The following EP400 variants were observed in gnomAD, a reference collection of about 807,000 sequenced individuals.
The protein encoded by EP400 is E1A binding protein p400.
Under a neutral mutation model 354.1 loss-of-function variants are expected in EP400, and 105 were observed. That is an observed-to-expected ratio of 0.30 (90% CI 0.25 to 0.35). The LOEUF (loss-of-function observed/expected upper bound fraction) is 0.35, where lower values mean the gene tolerates loss of function less well. Ranked by LOEUF, EP400 falls within the 10% of genes least tolerant of loss-of-function variation. The probability of loss-of-function intolerance (pLI) is 1.00; values close to 1 mark genes in which losing one functional copy is unlikely to be tolerated. For missense variants in EP400, 3,280 were observed against 4,121.0 expected (o/e 0.80, Z 5.59); for synonymous variants, 1,646 against 1,716.9 (o/e 0.96, Z 1.02).
intron 2 of EP400, among the ~76,000 whole-genome samples, chr12:131,968,921 A>AG (rs1398243223): frequency 6.6e-6 from 1 of 152,122 alleles, no homozygotes; most frequent in African/African-American, 2.4e-5. Flanking sequence ...TGCTAAACTC[A>AG]TTTATTAGTT....
In EP400 at chr12:132,052,451, G is replaced by A. The variant is rs1425484017; in HGVS notation, c.7395-695G>A. Among the ~76,000 whole-genome samples the A allele has an allele frequency of 2.6e-5, 4 of 152,344 alleles. No individual in the cohort carries two copies. The highest frequency in any genetic ancestry group is 6.5e-5 in the Admixed American group (1 of 15,308). On this transcript the variant is annotated intron_variant, in intron 41 of 52. Transcript: ENST00000389561. This position sits in a 1 kb window ranked among gnomAD's most constrained non-coding sequence, Gnocchi z 4.4. ...GTGCTCCCTGAGTGTGCTGGCAGCCGCGCCCCAGCCCTTCACTTAACTGCC... is the reference window on the plus strand; with the variant it reads ...GTGCTCCCTGAGTGTGCTGGCAGCCACGCCCCAGCCCTTCACTTAACTGCC...
chr12:131,999,111 A>G (rs1284270714), intron 12 of EP400, among the ~76,000 whole-genome samples: 1 of 151,832 alleles, frequency 6.6e-6, no homozygotes, highest in Non-Finnish European at 1.5e-5. Flanking sequence ...AAGGCAGATT[A>G]TTAGAGTTTT....
chr12:131,969,872 A>T (rs987224528), intron 2 of EP400, among the ~76,000 whole-genome samples: 1 of 152,184 alleles, frequency 6.6e-6, no homozygotes, highest in Admixed American at 6.5e-5. Context: ...CAACATGGTG[A>T]AACAGTGTAC....
intron 12 of EP400, among the ~76,000 whole-genome samples, chr12:131,999,929 G>A (rs962638581): frequency 6.8e-6 from 1 of 147,104 alleles, no homozygotes; most frequent in East Asian, 2.0e-4. Context: ...TCCTAATACT[G>A]TGTATTTATG....
intron 30 of EP400, among the ~76,000 whole-genome samples, chr12:132,035,475 C>G (rs999929135): frequency 1.3e-5 from 2 of 152,234 alleles, no homozygotes; most frequent in Non-Finnish European, 2.9e-5. Context: ...GACATTTTCC[C>G]CACACGGTTG....
intron 15 of EP400, among the ~76,000 whole-genome samples, chr12:132,009,289 A>C (rs966207017): frequency 1.3e-5 from 2 of 152,056 alleles, no homozygotes; most frequent in Non-Finnish European, 2.9e-5. Flanking sequence ...TGAACAGATG[A>C]GTGAATCAGT....
intron 7 of EP400, 118 bp downstream of exon 7, chr12:131,988,008 T>TA (rs1555272990): frequency 1.4e-6 from 1 of 722,378 alleles, no homozygotes; most frequent in Non-Finnish European, 1.9e-6. Flanking sequence ...TTTTTTTTTT[T>TA]CCCCCAGACA....
intron 7 of EP400, among the ~76,000 whole-genome samples, 175 bp downstream of exon 7, chr12:131,988,065 T>A (rs1420640046): frequency 6.7e-6 from 1 of 150,182 alleles, no homozygotes. Context: ...TAATTTTGTG[T>A]TTTTTGCCAC....
rs1013652317 is a variant in EP400 at position 132,025,332 on chromosome 12, G to A, written c.4856-314G>A. ...TTGACTGCTGTGATCTGGGAGTGGG[G>A]ATGTCCGCCTCAGTACCTCGAACAG... On this transcript the variant is annotated intron_variant, in intron 24 of 52. Transcript: ENST00000389561. The surrounding 1 kb of genome is among the most constrained non-coding windows in gnomAD (Gnocchi z 4.1). 2.0e-5 allele frequency among the ~76,000 whole-genome samples: 3 copies of A among 152,144 alleles called. No homozygotes were observed. The highest frequency in any genetic ancestry group is 7.2e-5 in the African/African-American group (3 of 41,426).
Position 132,020,086 on chromosome 12 carries a change from G to T in EP400, c.4315G>T (p.Gly1439Cys), listed in dbSNP as rs1181855519. 1.9e-6 allele frequency: 3 copies of T among 1,598,138 alleles called. No homozygotes were observed. The highest frequency in any genetic ancestry group is 2.6e-6 in the Non-Finnish European group (3 of 1,172,210). The change falls in exon 22 of 53, where the codon GGT becomes TGT. Residue 1439 changes from glycine (G) to cysteine (C), a missense_variant. By Grantham distance (159) the Gly-to-Cys change is radical. Transcript: ENST00000389561. ...TGTGCAGTATGGCCAGAAGCCCGAG[G>T]GTCGCACCGTGGCTTTCCCCAGCAC... ...QPVQYGQKPEGRTVAFPSTHP... is the reference protein window; with the variant it reads ...QPVQYGQKPECRTVAFPSTHP...
chr12:131,984,853 C>T (rs1426141289), intron 5 of EP400, among the ~76,000 whole-genome samples: 3 of 151,950 alleles, frequency 2.0e-5, no homozygotes, highest in African/African-American at 7.2e-5. Flanking sequence ...CATGCGCCAC[C>T]ACGCCCTACT....
intron 19 of EP400, among the ~76,000 whole-genome samples, chr12:132,016,206 C>A (rs1893926702): frequency 6.6e-6 from 1 of 152,184 alleles, no homozygotes; most frequent in Non-Finnish European, 1.5e-5. Context: ...CTCTCTAGAG[C>A]CAGGCTCACA....
chr12:132,019,043 A>G (rs904115534), intron 21 of EP400, among the ~76,000 whole-genome samples: 1 of 152,100 alleles, frequency 6.6e-6, no homozygotes. Flanking sequence ...GGGGACTTTG[A>G]GTGGATCACC....
In EP400 at chr12:132,027,608, A is replaced by G. The variant is rs1894351032; in HGVS notation, c.5109+77A>G. The G allele has an allele frequency of 1.7e-6, 2 of 1,204,320 alleles. No individual in the cohort carries two copies. Among genetic ancestry groups the G allele is most frequent in the Non-Finnish European group, 1.2e-6 (1 of 863,764 alleles). The allele number at this position is 1,204,320 out of a possible 1,614,324, so 74.6% of individuals were successfully genotyped here. A position where few individuals can be genotyped will look rare whatever the true frequency, so the allele number is the denominator to read the frequency against. On this transcript the variant is annotated intron_variant, in intron 26 of 52. Coordinates refer to ENST00000389561, the MANE Select transcript of EP400 (RefSeq NM_015409.5). This position sits in a 1 kb window ranked among gnomAD's most constrained non-coding sequence, Gnocchi z 4.9. ...GAGCTGCTCGTTGTGTTTGGTTGTG[A>G]TATTTAAAGGCTCCTGTGAATTCTC...
At chr12:132,065,621 C>T (rs1425972628) in intron 48 of EP400, 1 of 152,302 alleles carries the variant, frequency 6.6e-6, no homozygotes, top group Non-Finnish European at 1.5e-5. Flanking sequence ...ATCCCACAAC[C>T]AATCAGCTGC....
At position 132,013,036 on chromosome 12, in the gene EP400, G is replaced by A. The variant is rs117348148; in HGVS notation, c.3469G>A (p.Val1157Ile). The change falls in exon 17 of 53, where the codon GTC becomes ATC. Residue 1157 changes from valine to isoleucine, a missense_variant. Around this residue, in one of 20 missense-constraint regions of EP400, gnomAD observed 242 missense variants for 357.9 expected, o/e 0.68. Transcript: ENST00000389561. The surrounding 1 kb of genome is among the most constrained non-coding windows in gnomAD (Gnocchi z 4.5). Reference protein sequence around the residue: ...QEWAEPNSFHVCITSYTQFFR... With the variant: ...QEWAEPNSFHICITSYTQFFR... ...GTGGGCCGAACCCAACAGCTTCCAC[G>A]TCTGCATCACGTCCTACACTCAGTT... The A allele has an allele frequency of 3.9e-3, 6,266 of 1,613,390 alleles. 17 individuals are homozygous for A. Among genetic ancestry groups the A allele is most frequent in the Non-Finnish European group, 4.6e-3 (5,461 of 1,179,828 alleles).
At chr12:132,008,964 A>C (rs1593343251) in intron 15 of EP400, among the ~76,000 whole-genome samples, 1 of 108,748 alleles carries the variant, frequency 9.2e-6, no homozygotes, top group African/African-American at 3.5e-5. Flanking sequence ...CCCAGGTTGG[A>C]GTGCAGTGGC....
At chr12:132,045,993 C>T (rs1418199684) in intron 39 of EP400, 93 bp downstream of exon 39, 1 of 1,466,512 alleles carries the variant, frequency 6.8e-7, no homozygotes, top group Non-Finnish European at 9.3e-7. Context: ...TCTTCACTGA[C>T]TGGGCTCCTT....
intron 15 of EP400, among the ~76,000 whole-genome samples, chr12:132,008,897 G>C (rs1018026292): frequency 6.7e-6 from 1 of 149,730 alleles, no homozygotes; most frequent in Non-Finnish European, 1.5e-5. Context: ...TGGGATTACA[G>C]GCGTGAGACA....
Sources: allele counts gnomAD v4.1 joint callset (sites outside exome capture counted in the v4.1 genomes callset), GRCh38; gene constraint gnomAD v4.1.1; regional missense constraint gnomAD v4.1.1; non-coding constraint Gnocchi (gnomAD v3.1); transcripts MANE v1.5; gene names NCBI Gene and HGNC (gene_info 2026-07-23, HGNC 2026-07-21).